The following PIR variants were observed in gnomAD, a reference collection of about 807,000 sequenced individuals.
PIR encodes the protein pirin (iron-binding nuclear protein).
PIR carries 22 observed loss-of-function variants against 24.2 expected under a neutral mutation model. That is an observed-to-expected ratio of 0.91 (90% CI 0.65 to 1.30). The LOEUF (loss-of-function observed/expected upper bound fraction) is 1.30, where lower values mean the gene tolerates loss of function less well. Ranked by LOEUF, PIR falls within the 50% of genes most tolerant of loss-of-function variation. The probability of loss-of-function intolerance (pLI) is 0.00; values close to 1 mark genes in which losing one functional copy is unlikely to be tolerated. For synonymous variants in PIR, 80 were observed against 79.6 expected (o/e 1.00, Z -0.03); for missense variants, 220 against 220.3 (o/e 1.00, Z 0.01).
At chrX:15,392,070 C>T (rs1009918449) in intron 8 of PIR, among the ~76,000 whole-genome samples, 1 of 111,145 alleles carries the variant, frequency 9.0e-6, no homozygotes, top group Non-Finnish European at 1.9e-5. Flanking sequence ...AATGGAGGGG[C>T]TACCTAGAGC....
In PIR at chrX:15,407,108, G is replaced by T. The variant is rs189536269; in HGVS notation, c.610+398C>A. Among the ~76,000 whole-genome samples the T allele has an allele frequency of 7.1e-5, 8 of 112,443 alleles. 1 individual carries two copies. The highest frequency in any genetic ancestry group is 3.7e-4 in the Admixed American group (4 of 10,671). ...AAGCCACTTTTGAGTTTTCTCAGAG[G>T]AAACTAGCATTGCAAATTCACCTCC... On this transcript the variant is annotated intron_variant, in intron 7 of 9. Coordinates refer to ENST00000380420, the MANE Select transcript of PIR (RefSeq NM_001018109.3).
At chrX:15,387,089 T>C (rs1215948586) in intron 9 of PIR, among the ~76,000 whole-genome samples, 571 of 40,259 alleles carry the variant, frequency 0.014, 8 homozygotes, top group African/African-American at 0.051. Context: ...TTTTTTTTTT[T>C]TTTTTTTTTT....
chrX:15,481,784 T>A (rs947095026), intron 2 of PIR, among the ~76,000 whole-genome samples: 6 of 111,771 alleles, frequency 5.4e-5, no homozygotes, highest in African/African-American at 2.0e-4. Context: ...ATATCACCAG[T>A]GTATTTATCA....
intron 8 of PIR, among the ~76,000 whole-genome samples, chrX:15,392,426 C>T (rs1923988370): frequency 9.0e-6 from 1 of 111,683 alleles, no homozygotes; most frequent in East Asian, 2.8e-4. Context: ...CAATATTATA[C>T]TATATCATAC....
Position 15,386,730 on chromosome X carries a change from G to T in PIR, c.761-1614C>A, listed in dbSNP as rs191463558. Reference sequence around the variant, plus strand: ...TGGAGGAATACTGGAGGGGATAGGGGTACAGTGGTGGAAGGAGGGATCAAA... The same window carrying T: ...TGGAGGAATACTGGAGGGGATAGGGTTACAGTGGTGGAAGGAGGGATCAAA... On this transcript the variant is annotated intron_variant, in intron 9 of 9. Transcript: ENST00000380420. Among the ~76,000 whole-genome samples, 8 of 110,864 alleles carry T rather than the reference G, an allele frequency of 7.2e-5. No homozygotes were observed. In the Admixed American group the frequency reaches 7.7e-4, roughly 11 times the overall value.
At chrX:15,417,241 C>T (rs1000688562) in intron 6 of PIR, among the ~76,000 whole-genome samples, 13 of 328 alleles carry the variant, frequency 0.04, no homozygotes, top group Admixed American at 0.067. Flanking sequence ...TGAGCCGCAG[C>T]GCCAGCTCCG....
intron 3 of PIR, among the ~76,000 whole-genome samples, chrX:15,461,909 T>C (rs775245846): frequency 8.9e-6 from 1 of 112,799 alleles, no homozygotes; most frequent in Non-Finnish European, 1.9e-5. Flanking sequence ...GGCTATCATA[T>C]TGGGTAGTGC....
chrX:15,403,650 T>C (rs773499542), intron 7 of PIR, among the ~76,000 whole-genome samples: 1 of 111,535 alleles, frequency 9.0e-6, no homozygotes. Context: ...AGAGAACTTT[T>C]TGCCTTAGCA....
At chrX:15,457,956 C>T (rs773131744) in intron 4 of PIR, among the ~76,000 whole-genome samples, 155 of 112,195 alleles carry the variant, frequency 1.4e-3, no homozygotes, top group African/African-American at 4.7e-3. Flanking sequence ...GCCATATGGT[C>T]CCCAAAGCCC....
At chrX:15,428,171 C>T (rs1166362186) in intron 5 of PIR, among the ~76,000 whole-genome samples, 4 of 110,912 alleles carry the variant, frequency 3.6e-5, no homozygotes, top group Non-Finnish European at 7.5e-5. Context: ...ACCAGAAAGA[C>T]CTGTGACATC....
intron 3 of PIR, 108 bp from the exon 4 acceptor site, chrX:15,459,848 C>A: frequency 2.5e-6 from 1 of 407,578 alleles, no homozygotes. Flanking sequence ...TATTTTGGAA[C>A]TTAATCCCTT....
chrX:15,445,430 A>G (rs1048914561), intron 5 of PIR, among the ~76,000 whole-genome samples: 23 of 111,150 alleles, frequency 2.1e-4, no homozygotes, highest in Non-Finnish European at 4.0e-4. Context: ...GAAATACCCA[A>G]TGTAAACGAC....
At chrX:15,473,226 G>A (rs1922014628) in intron 3 of PIR, among the ~76,000 whole-genome samples, 1 of 111,884 alleles carries the variant, frequency 8.9e-6, no homozygotes, top group South Asian at 3.7e-4. Flanking sequence ...AATGTCTGGA[G>A]ACTTTTTTTT....
At chrX:15,401,933 T>C (rs1203703531) in intron 7 of PIR, among the ~76,000 whole-genome samples, 1 of 112,732 alleles carries the variant, frequency 8.9e-6, no homozygotes, top group African/African-American at 3.2e-5. Flanking sequence ...TTTATATGTA[T>C]AGTTGAAGCC....
At chrX:15,395,323 G>A (rs190185665) in intron 8 of PIR, among the ~76,000 whole-genome samples, 1 of 111,881 alleles carries the variant, frequency 8.9e-6, no homozygotes, top group Non-Finnish European at 1.9e-5. Flanking sequence ...TACCATTATT[G>A]AGCATCTACA....
rs770737906 is a variant in PIR at position 15,440,329 on chromosome X, C to T, written c.481-14339G>A. Among the ~76,000 whole-genome samples, 8 of 111,073 alleles carry T rather than the reference C, an allele frequency of 7.2e-5. No individual in the cohort carries two copies. In the East Asian group the frequency reaches 1.1e-3, roughly 16 times the overall value. On this transcript the variant is annotated intron_variant, in intron 5 of 9. Transcript: ENST00000380420. ...AGTGAATACAGCCCACTGCTTCTGG[C>T]GGCTACACCATATTCCATCATATGT...
chrX:15,414,147 A>C (rs1233268621), intron 6 of PIR, among the ~76,000 whole-genome samples: 1 of 112,388 alleles, frequency 8.9e-6, no homozygotes, highest in Non-Finnish European at 1.9e-5. Context: ...TCTTGCTAAT[A>C]CAATAGTACT....
At chrX:15,446,073 C>T (rs1926091740) in intron 5 of PIR, among the ~76,000 whole-genome samples, 2 of 110,320 alleles carry the variant, frequency 1.8e-5, no homozygotes, top group Admixed American at 1.9e-4. Flanking sequence ...TCGTGATCCA[C>T]CCGCCTCGGC....
chrX:15,463,762 T>C (rs1478673300), intron 3 of PIR, among the ~76,000 whole-genome samples: 3 of 112,299 alleles, frequency 2.7e-5, no homozygotes, highest in Non-Finnish European at 5.6e-5. Context: ...AAAGTAGCAA[T>C]TTCAAATCAG....
Sources: allele counts gnomAD v4.1 joint callset (sites outside exome capture counted in the v4.1 genomes callset), GRCh38; gene constraint gnomAD v4.1.1; transcripts MANE v1.5; gene names NCBI Gene and HGNC (gene_info 2026-07-23, HGNC 2026-07-21).